NRG1: variants seen among roughly 807,000 people sequenced by gnomAD.
NRG1 encodes the protein neuregulin 1, also known as pro-neuregulin-1, membrane-bound isoform.
Under a neutral mutation model 63.8 loss-of-function variants are expected in NRG1, and 18 were observed. The ratio of observed to expected loss-of-function variants is 0.28; its 90% CI spans 0.19 to 0.42. The LOEUF (loss-of-function observed/expected upper bound fraction) is 0.42. NRG1 is among the 10% of genes least tolerant of loss of function. The probability of loss-of-function intolerance (pLI) is 1.00; values close to 1 mark genes in which losing one functional copy is unlikely to be tolerated. For missense variants in NRG1, 762 were observed against 814.7 expected, an observed-to-expected ratio of 0.94 and a Z score of 0.79; for synonymous variants, 302 against 301.3, an observed-to-expected ratio of 1.00 and a Z score of -0.02.
At chr8:32,323,660 AT>A (rs1216508769) in intron 1 of NRG1, among the ~76,000 whole-genome samples, 1 of 152,194 alleles carries the variant, frequency 6.6e-6, no homozygotes, top group Non-Finnish European at 1.5e-5. Flanking sequence ...CACGTAAGCC[AT>A]TTTTTCCTTA....
At chr8:32,267,074 AAGAG>A (rs978520848) in intron 1 of NRG1, among the ~76,000 whole-genome samples, 4 of 148,058 alleles carry the variant, frequency 2.7e-5, no homozygotes, top group African/African-American at 1.0e-4. Context: ...GAAAAAAAGA[AAGAG>A]AGAGAGAAAG....
intron 1 of NRG1, among the ~76,000 whole-genome samples, chr8:31,689,145 T>C (rs1809221621): frequency 6.6e-6 from 1 of 152,208 alleles, no homozygotes; most frequent in East Asian, 1.9e-4. Context: ...CCAGGATAAT[T>C]TCCTTGTTTT....
At chr8:32,362,146 G>A (rs562678318) in intron 1 of NRG1, among the ~76,000 whole-genome samples, 1 of 152,246 alleles carries the variant, frequency 6.6e-6, no homozygotes, top group South Asian at 2.1e-4. Flanking sequence ...CATCAATAGT[G>A]TACAGTTCTC....
chr8:32,365,620 C>A (rs1482492292), intron 1 of NRG1, among the ~76,000 whole-genome samples: 13 of 152,072 alleles, frequency 8.5e-5, no homozygotes, highest in African/African-American at 3.1e-4. Context: ...CCATAAATGG[C>A]TAAATAGTAA....
chr8:31,760,453 G>T (rs562934225), intron 1 of NRG1, among the ~76,000 whole-genome samples: 1 of 152,120 alleles, frequency 6.6e-6, no homozygotes, highest in Admixed American at 6.6e-5. Context: ...TGACAAATGG[G>T]ATCTAATTAA....
rs1254098390 is a variant in NRG1 at position 31,640,299 on chromosome 8, G to A, written c.37+868G>A. 8.8e-7 allele frequency: 1 copy of A among 1,135,132 alleles called. No individual in the cohort carries two copies. The highest frequency in any genetic ancestry group is 1.6e-5 in the African/African-American group (1 of 60,614). 70.3% of individuals were successfully genotyped at this position (1,135,132 alleles called of 1,614,324 possible). A position where few individuals can be genotyped will look rare whatever the true frequency, so the allele number is the denominator to read the frequency against. On this transcript the variant is annotated intron_variant, in intron 1 of 10. Transcript: ENST00000519301. This position sits in a 1 kb window ranked among gnomAD's most constrained non-coding sequence, Gnocchi z 6.3. ...TCGACAGGAAGGCGGCGGCGGCGGC[G>A]GGCGAGGCAGGGGCGTGGGGCGGCG...
chr8:32,179,139 G>A (rs997114730), intron 1 of NRG1, among the ~76,000 whole-genome samples: 3 of 146,360 alleles, frequency 2.0e-5, no homozygotes, highest in Non-Finnish European at 4.4e-5. Flanking sequence ...TCTGTGAGGT[G>A]GTTTGCTCCA....
At chr8:31,725,724 G>C (rs1461808509) in intron 1 of NRG1, among the ~76,000 whole-genome samples, 1 of 152,084 alleles carries the variant, frequency 6.6e-6, no homozygotes, top group Non-Finnish European at 1.5e-5. Flanking sequence ...TGCAACTCTT[G>C]GCCAAATAGG....
chr8:32,402,424 TA>T (rs987403541), intron 1 of NRG1, among the ~76,000 whole-genome samples: 92 of 148,764 alleles, frequency 6.2e-4, no homozygotes, highest in African/African-American at 1.8e-3. Context: ...ATGGAAAATT[TA>T]AAAAAAAAAC....
chr8:32,145,893 T>A (rs1423389990), intron 1 of NRG1, among the ~76,000 whole-genome samples: 1 of 152,212 alleles, frequency 6.6e-6, no homozygotes, highest in Non-Finnish European at 1.5e-5. Flanking sequence ...CTTTGTGAAG[T>A]TGTGCTAACC....
chr8:32,302,433 G>T (rs186926866), intron 1 of NRG1, among the ~76,000 whole-genome samples: 2 of 152,172 alleles, frequency 1.3e-5, no homozygotes, highest in Non-Finnish European at 2.9e-5. Flanking sequence ...GTAAACTTAC[G>T]TGTAGGAAAC....
At chr8:32,402,133 A>G (rs11987051) in intron 1 of NRG1, among the ~76,000 whole-genome samples, 147,322 of 152,282 alleles carry the variant, frequency 0.97, 71,432 homozygotes, top group East Asian at 1. Context: ...GGCTTGTCTC[A>G]AACTCCTAAC....
chr8:32,704,001 C>T (rs1015181319), intron 5 of NRG1, among the ~76,000 whole-genome samples: 1 of 152,154 alleles, frequency 6.6e-6, no homozygotes. Flanking sequence ...GCTGAACAAG[C>T]ACTTACAAAG....
In NRG1 at chr8:32,081,594, T is replaced by C. The variant is rs541779247; in HGVS notation, c.37+442163T>C. ...TGAAACTGGCAGAAGATAGGGTCAT[T>C]GTAGAGTGGAAAAACATATCTGAAA... On this transcript the variant is annotated intron_variant, in intron 1 of 10. Transcript: ENST00000519301. 8.5e-5 allele frequency among the ~76,000 whole-genome samples: 13 copies of C among 152,214 alleles called. No homozygotes were observed. In the South Asian group the frequency reaches 2.7e-3, roughly 32 times the overall value.
At position 31,758,799 on chromosome 8, in the gene NRG1, C is replaced by G. The variant is rs535935984; in HGVS notation, c.37+119368C>G. Among the ~76,000 whole-genome samples, 4 of 152,090 alleles carry G rather than the reference C, an allele frequency of 2.6e-5. No homozygotes were observed. In the South Asian group the frequency reaches 6.2e-4, roughly 24 times the overall value. ...GAGTGAGTACTTAGAAATGGGACGG[C>G]TAGAGCATAAGCTAGGTGCATATTT... On this transcript the variant is annotated intron_variant, in intron 1 of 10. Transcript: ENST00000519301.
At chr8:32,089,911 G>C (rs1374148973) in intron 1 of NRG1, among the ~76,000 whole-genome samples, 1 of 152,150 alleles carries the variant, frequency 6.6e-6, no homozygotes, top group Non-Finnish European at 1.5e-5. Context: ...TGTGTTCCAA[G>C]TAATGTCATT....
intron 1 of NRG1, among the ~76,000 whole-genome samples, chr8:32,224,542 T>C (rs1007770289): frequency 2.0e-5 from 3 of 152,238 alleles, no homozygotes; most frequent in African/African-American, 7.2e-5. Flanking sequence ...TAATCCTGTC[T>C]GCATTAGGCT....
At chr8:32,030,265 T>C (rs1818055774) in intron 1 of NRG1, 1 of 152,190 alleles carries the variant, frequency 6.6e-6, no homozygotes, top group Non-Finnish European at 1.5e-5. Flanking sequence ...GTTAATGTTA[T>C]GTGGTTGATT....
Position 32,320,048 on chromosome 8 carries a change from G to A in NRG1, c.38-275780G>A, listed in dbSNP as rs1194647425. Among the ~76,000 whole-genome samples, 3 of 152,166 alleles carry A rather than the reference G, an allele frequency of 2.0e-5. No homozygotes were observed. The East Asian group carries it at 5.8e-4, about 29-fold the overall frequency. On this transcript the variant is annotated intron_variant, in intron 1 of 10. Coordinates refer to the NRG1 transcript ENST00000519301. ...ATAACCTGGTTTTAAGCCCAGGTCT[G>A]CTACTTAAGAGCTGTACGACTGTGA...
Sources: allele counts gnomAD v4.1 joint callset (sites outside exome capture counted in the v4.1 genomes callset), GRCh38; gene constraint gnomAD v4.1.1; non-coding constraint Gnocchi (gnomAD v3.1); transcripts MANE v1.5; gene names NCBI Gene and HGNC (gene_info 2026-07-23, HGNC 2026-07-21).